Variants in ZEB1 observed in about 807,000 individuals in gnomAD.
The protein encoded by ZEB1 is zinc finger E-box-binding homeobox 1.
A neutral mutation model predicts 84.9 loss-of-function variants in ZEB1; 21 were observed. That is an observed-to-expected ratio of 0.25 (90% CI 0.18 to 0.36). ZEB1 has a LOEUF of 0.36. ZEB1 is among the 10% of genes least tolerant of loss of function. The pLI is 1.00. For synonymous variants in ZEB1, 420 were observed against 471.1 expected, an observed-to-expected ratio of 0.89 and a Z score of 1.41; for missense variants, 1,104 against 1,330.2, an observed-to-expected ratio of 0.83 and a Z score of 2.65.
At chr10:31,348,312 C>G (rs2040684808) in intron 1 of ZEB1, among the ~76,000 whole-genome samples, 1 of 151,978 alleles carries the variant, frequency 6.6e-6, no homozygotes, top group Non-Finnish European at 1.5e-5. Flanking sequence ...ACCTGTAATC[C>G]CAGCACTTTG....
Position 31,520,320 on chromosome 10 carries a change from C to T in ZEB1, c.988C>T (p.Arg330Trp), listed in dbSNP as rs754576407. The T allele has an allele frequency of 3.2e-5, 52 of 1,613,814 alleles. No individual in the cohort carries two copies. The highest frequency in any genetic ancestry group is 3.3e-4 in the Middle Eastern group (2 of 6,082). Residue 330 changes from arginine to tryptophan, a missense_variant, in exon 7 of 9, where the codon CGG (arginine) becomes TGG (tryptophan). Arg to Trp is a moderately radical substitution (Grantham distance 101, BLOSUM62 -3). Coordinates refer to ENST00000424869, the MANE Select transcript of ZEB1 (RefSeq NM_001174096.2). The surrounding 1 kb of genome is among the most constrained non-coding windows in gnomAD (Gnocchi z 5.1). ...SPGSPTRPQI[R>W]QKIENKPLQE... ...AGGCAGTCCCACACGACCACAGATA[C>T]GGCAAAAGATAGAGAATAAACCCCT...
intron 1 of ZEB1, chr10:31,362,987 G>A: frequency 6.5e-7 from 1 of 1,534,098 alleles, no homozygotes; most frequent in Non-Finnish European, 8.7e-7. Flanking sequence ...AGACATGGAA[G>A]CTTTGCCGGT....
chr10:31,485,234 GA>G, intron 2 of ZEB1, among the ~76,000 whole-genome samples: 1 of 151,850 alleles, frequency 6.6e-6, no homozygotes, highest in Admixed American at 6.6e-5. Flanking sequence ...TATATTTATA[GA>G]ATCCCTAATA....
intron 1 of ZEB1, among the ~76,000 whole-genome samples, chr10:31,329,419 G>T (rs73254130): frequency 6.6e-6 from 1 of 151,966 alleles, no homozygotes; most frequent in South Asian, 2.1e-4. Flanking sequence ...AATTTGTGTC[G>T]CCATTCACCT....
chr10:31,354,603 T>C (rs1450612316), intron 1 of ZEB1, among the ~76,000 whole-genome samples: 7 of 152,198 alleles, frequency 4.6e-5, no homozygotes, highest in Non-Finnish European at 8.8e-5. Flanking sequence ...AGGAATTACT[T>C]TGGCGAGGTT....
intron 2 of ZEB1, among the ~76,000 whole-genome samples, chr10:31,477,809 A>G (rs2064450380): frequency 6.6e-6 from 1 of 152,076 alleles, no homozygotes; most frequent in Non-Finnish European, 1.5e-5. Flanking sequence ...GGCCAACCAC[A>G]TGCAGAAAAA....
intron 2 of ZEB1, among the ~76,000 whole-genome samples, chr10:31,465,540 G>A (rs1024158200): frequency 5.9e-5 from 9 of 151,762 alleles, no homozygotes; most frequent in Non-Finnish European, 1.0e-4. Context: ...CAATAAAATG[G>A]CAGTAGTTTT....
At chr10:31,412,149 T>G (rs2054417606) in intron 1 of ZEB1, among the ~76,000 whole-genome samples, 1 of 152,220 alleles carries the variant, frequency 6.6e-6, no homozygotes, top group Non-Finnish European at 1.5e-5. Context: ...TTTCCTCTCT[T>G]TTTTACACAT....
chr10:31,363,665 T>C (rs1427930961), intron 1 of ZEB1: 1 of 1,385,752 alleles, frequency 7.2e-7, no homozygotes, highest in Non-Finnish European at 9.9e-7. Flanking sequence ...AGGTTAAACT[T>C]GCCTCTGAGA....
intron 2 of ZEB1, among the ~76,000 whole-genome samples, chr10:31,478,736 C>G (rs1345274295): frequency 6.6e-6 from 1 of 151,888 alleles, no homozygotes; most frequent in African/African-American, 2.4e-5. Flanking sequence ...GGCCATTATA[C>G]TAAGTGAAAT....
intron 1 of ZEB1, among the ~76,000 whole-genome samples, chr10:31,333,805 C>G (rs2037350136): frequency 6.6e-6 from 1 of 151,974 alleles, no homozygotes; most frequent in Non-Finnish European, 1.5e-5. Context: ...TATTTATATG[C>G]TGTTTACAAG....
At chr10:31,497,682 A>G (rs1283052322) in intron 3 of ZEB1, among the ~76,000 whole-genome samples, 1 of 152,182 alleles carries the variant, frequency 6.6e-6, no homozygotes, top group Non-Finnish European at 1.5e-5. Context: ...ATTGTACAGC[A>G]GTCGCCATCA....
chr10:31,422,456 A>G (rs2056324732), intron 1 of ZEB1, among the ~76,000 whole-genome samples: 1 of 152,074 alleles, frequency 6.6e-6, no homozygotes, highest in African/African-American at 2.4e-5. Context: ...CTTAAAAGAG[A>G]ACTAAGTTAG....
intron 4 of ZEB1, among the ~76,000 whole-genome samples, chr10:31,507,511 G>A (rs1188163340): frequency 6.6e-6 from 1 of 151,820 alleles, no homozygotes; most frequent in African/African-American, 2.4e-5. Flanking sequence ...TGTCACACAG[G>A]CTTTGTTCAT....
intron 1 of ZEB1, chr10:31,358,734 T>A (rs1411272013): frequency 1.3e-5 from 2 of 152,200 alleles, no homozygotes; most frequent in African/African-American, 4.8e-5. Flanking sequence ...GAAAATACTA[T>A]AATAATGCAT....
rs1261304515 is a variant in ZEB1, at chr10:31,351,079, T to C, written c.58+31787T>C. 2.0e-5 allele frequency among the ~76,000 whole-genome samples: 3 copies of C among 152,336 alleles called. No homozygotes were observed. In the South Asian group the frequency reaches 6.2e-4, roughly 32 times the overall value. Reference sequence around the variant, plus strand: ...CCTTTGCAGCCAAATAGCAACCTTGTGTGAATATGCAGGGACTTGGGCATA... The same window carrying C: ...CCTTTGCAGCCAAATAGCAACCTTGCGTGAATATGCAGGGACTTGGGCATA... On this transcript the variant is annotated intron_variant, in intron 1 of 8. Transcript: ENST00000424869.
At chr10:31,365,399 C>CA (rs1367774112) in intron 1 of ZEB1, among the ~76,000 whole-genome samples, 2 of 152,096 alleles carry the variant, frequency 1.3e-5, no homozygotes, top group Non-Finnish European at 2.9e-5. Flanking sequence ...GGCCACTCTA[C>CA]ATCTTGTTAT....
chr10:31,351,488 G>C (rs1489450962), intron 1 of ZEB1, among the ~76,000 whole-genome samples: 3 of 152,172 alleles, frequency 2.0e-5, no homozygotes, highest in African/African-American at 7.2e-5. Context: ...TATGAAGACT[G>C]TATTAGGTAT....
intron 2 of ZEB1, among the ~76,000 whole-genome samples, chr10:31,478,417 G>A (rs761608241): frequency 3.9e-5 from 6 of 151,970 alleles, no homozygotes; most frequent in Non-Finnish European, 7.4e-5. Flanking sequence ...ATGCAAATTA[G>A]TACAACCGCT....
Sources: gnomAD v4.1 joint callset for allele counts (sites outside exome capture counted in the v4.1 genomes callset) on GRCh38, gnomAD v4.1.1 for gene constraint, Gnocchi (gnomAD v3.1) non-coding constraint, MANE v1.5 for transcripts, NCBI Gene and HGNC (gene_info 2026-07-23, HGNC 2026-07-21) for gene names.